ACER3: variants seen among roughly 807,000 people sequenced by gnomAD.
ACER3 encodes the protein alkCDase 3.
Under a neutral mutation model 48.9 loss-of-function variants are expected in ACER3, and 16 were observed. The ratio of observed to expected loss-of-function variants is 0.33; its 90% confidence interval spans 0.22 to 0.50. The LOEUF (loss-of-function observed/expected upper bound fraction) is 0.50, where lower values mean the gene tolerates loss of function less well. Ranked by LOEUF, ACER3 falls within the 20% of genes least tolerant of loss-of-function variation. The pLI is 0.98. For synonymous variants in ACER3, 109 were observed against 107.8 expected (o/e 1.01, Z -0.07); for missense variants, 227 against 326.0 (o/e 0.70, Z 2.34).
intron 1 of ACER3, among the ~76,000 whole-genome samples, chr11:76,886,329 T>C (rs1565159204): frequency 6.6e-6 from 1 of 152,198 alleles, no homozygotes; most frequent in Non-Finnish European, 1.5e-5. Flanking sequence ...AGGCAGGGGT[T>C]GATTGTGTTA....
At position 76,882,003 on chromosome 11, in the gene ACER3, CT is replaced by C. The variant is rs33962456; in HGVS notation, c.103+20943del. Among the ~76,000 whole-genome samples the C allele has an allele frequency of 4.2e-3, 466 of 109,874 alleles. 1 individual carries two copies. Among genetic ancestry groups the C allele is most frequent in the Middle Eastern group, 9.0e-3 (2 of 222 alleles). The allele number at this position is 109,874 out of a possible 152,430, so 72.1% of individuals were successfully genotyped here. On this transcript the variant is annotated intron_variant, in intron 1 of 10. Coordinates refer to ENST00000532485, the MANE Select transcript of ACER3 (RefSeq NM_018367.7). ...TGTTTAGGATTATTTTGTAAAAAAT[CT>C]TTTTTTTTTTTTTTTTTTGAGATGG...
At chr11:77,002,270 A>C (rs1465518908) in intron 7 of ACER3, among the ~76,000 whole-genome samples, 1 of 152,222 alleles carries the variant, frequency 6.6e-6, no homozygotes, top group African/African-American at 2.4e-5. Context: ...TTGTTATCAT[A>C]AATGGACCTA....
chr11:76,922,132 C>T (rs1279315086), intron 1 of ACER3, among the ~76,000 whole-genome samples: 1 of 152,070 alleles, frequency 6.6e-6, no homozygotes, highest in Non-Finnish European at 1.5e-5. Context: ...GTCTTTGGAA[C>T]TTTCTGTCAG....
At chr11:76,954,033 C>T (rs1348237292) in intron 2 of ACER3, among the ~76,000 whole-genome samples, 1 of 151,820 alleles carries the variant, frequency 6.6e-6, no homozygotes, top group Non-Finnish European at 1.5e-5. Flanking sequence ...CCACAACCTC[C>T]GCCACCCAGG....
chr11:76,980,820 G>T (rs111424314), intron 4 of ACER3, among the ~76,000 whole-genome samples: 6 of 152,124 alleles, frequency 3.9e-5, no homozygotes, highest in African/African-American at 1.4e-4. Flanking sequence ...TTGTTCCTTC[G>T]TTTGTAAAAG....
chr11:77,004,576 C>T (rs528287572), intron 7 of ACER3, among the ~76,000 whole-genome samples: 3 of 152,260 alleles, frequency 2.0e-5, no homozygotes, highest in Admixed American at 1.3e-4. Flanking sequence ...GTTTTTGCTC[C>T]TCACATTTTG....
chr11:76,870,383 C>T (rs1344166318), intron 1 of ACER3, among the ~76,000 whole-genome samples: 2 of 152,150 alleles, frequency 1.3e-5, no homozygotes, highest in African/African-American at 4.8e-5. Context: ...ATCCTCCCAC[C>T]TCAGCCTGCC....
At chr11:76,936,058 G>C (rs1474258966) in intron 2 of ACER3, among the ~76,000 whole-genome samples, 1 of 152,166 alleles carries the variant, frequency 6.6e-6, no homozygotes, top group African/African-American at 2.4e-5. Flanking sequence ...ACATACCCAA[G>C]ACTAGGAAGA....
chr11:76,930,532 T>C (rs1946968682), intron 2 of ACER3, among the ~76,000 whole-genome samples: 3 of 152,044 alleles, frequency 2.0e-5, no homozygotes, highest in Non-Finnish European at 4.4e-5. Context: ...TGCTCTTGCT[T>C]CTCTAGTTCT....
chr11:76,926,444 A>G lies in ACER3; in HGVS notation c.104-113A>G, dbSNP rs1315785249. 6 of 543,762 alleles carry G rather than the reference A, an allele frequency of 1.1e-5. No homozygotes were observed. The East Asian group carries it at 2.0e-4, about 18-fold the overall frequency. 33.7% of individuals were successfully genotyped at this position (543,762 alleles called of 1,614,324 possible). A position where few individuals can be genotyped will look rare whatever the true frequency, so the allele number is the denominator to read the frequency against. On this transcript the variant is annotated intron_variant, in intron 1 of 10. Coordinates refer to ENST00000532485, the MANE Select transcript of ACER3 (RefSeq NM_018367.7). ...TTCAGCACCTTGAAAATATCTTCCC[A>G]ATGTCTTTCTGAGAAGTTACTTGTG...
intron 1 of ACER3, among the ~76,000 whole-genome samples, chr11:76,864,333 A>G (rs191661573): frequency 3.7e-4 from 57 of 152,336 alleles, no homozygotes; most frequent in African/African-American, 1.3e-3. Flanking sequence ...GCAAGTTAAA[A>G]CCAGGTAACA....
At chr11:76,875,744 T>G (rs1020975103) in intron 1 of ACER3, among the ~76,000 whole-genome samples, 8 of 135,918 alleles carry the variant, frequency 5.9e-5, no homozygotes, top group East Asian at 4.2e-4. Context: ...TTTTTTTTTT[T>G]TTTTTTTTTT....
At chr11:76,881,155 T>C (rs11236995) in intron 1 of ACER3, among the ~76,000 whole-genome samples, 9,243 of 151,378 alleles carry the variant, frequency 0.061, 315 homozygotes, top group Middle Eastern at 0.12. Flanking sequence ...CTTGGGAGGC[T>C]GAGATGGAAG....
chr11:76,912,154 A>T (rs1005892509), intron 1 of ACER3, among the ~76,000 whole-genome samples: 1 of 152,160 alleles, frequency 6.6e-6, no homozygotes, highest in African/African-American at 2.4e-5. Context: ...AATCTACTGG[A>T]ATTAGAGTAT....
chr11:76,933,708 T>C (rs189580175), intron 2 of ACER3, among the ~76,000 whole-genome samples: 1 of 151,606 alleles, frequency 6.6e-6, no homozygotes, highest in African/African-American at 2.4e-5. Flanking sequence ...AGCAACCATC[T>C]GATTTCTCAA....
intron 2 of ACER3, among the ~76,000 whole-genome samples, chr11:76,954,008 C>T (rs1257796917): frequency 2.7e-5 from 4 of 148,926 alleles, no homozygotes; most frequent in African/African-American, 5.0e-5. Flanking sequence ...AGTGCAATGG[C>T]GCAATCTTGG....
chr11:76,967,363 G>C (rs1051031498), intron 3 of ACER3, among the ~76,000 whole-genome samples: 3 of 152,120 alleles, frequency 2.0e-5, no homozygotes, highest in African/African-American at 7.2e-5. Flanking sequence ...ATTCACAGCC[G>C]AATTCTACCA....
intron 1 of ACER3, among the ~76,000 whole-genome samples, chr11:76,880,666 T>A (rs1331337446): frequency 4.6e-5 from 7 of 152,198 alleles, no homozygotes; most frequent in Non-Finnish European, 1.0e-4. Flanking sequence ...ATGGGGGTCT[T>A]GTGATCTACA....
intron 2 of ACER3, chr11:76,955,440 C>T (rs1279080682): frequency 6.5e-6 from 1 of 152,678 alleles, no homozygotes; most frequent in Non-Finnish European, 1.5e-5. Flanking sequence ...ATTTATTTCT[C>T]ACAGTTCTGG....
Sources: allele counts gnomAD v4.1 joint callset (sites outside exome capture counted in the v4.1 genomes callset), GRCh38; gene constraint gnomAD v4.1.1; transcripts MANE v1.5; gene names NCBI Gene and HGNC (gene_info 2026-07-23, HGNC 2026-07-21).